The following ZFYVE9 variants were observed in gnomAD, a reference collection of about 807,000 sequenced individuals.
ZFYVE9 encodes the protein zinc finger FYVE-type containing 9.
In ZFYVE9, 43 loss-of-function variants were observed where a neutral mutation model predicts 126.7. The ratio of observed to expected loss-of-function variants is 0.34; its 90% CI spans 0.27 to 0.44. The LOEUF is 0.44. ZFYVE9 is among the 20% of genes least tolerant of loss of function. ZFYVE9 has a pLI of 1.00. For missense variants in ZFYVE9, 1,476 were observed against 1,697.0 expected (o/e 0.87, Z 2.29); for synonymous variants, 521 against 597.4 (o/e 0.87, Z 1.87).
intron 4 of ZFYVE9, among the ~76,000 whole-genome samples, chr1:52,260,592 A>G (rs1405648859): frequency 6.6e-6 from 1 of 152,006 alleles, no homozygotes; most frequent in Admixed American, 6.6e-5. Context: ...TGAGCCGGGC[A>G]GATCACCTGA....
rs966327720 is a variant in ZFYVE9, at chr1:52,222,525, G to C, written c.-37+6051G>C. On this transcript the variant is annotated intron_variant, in intron 2 of 18. Transcript: ENST00000287727. ...ATTTGATTAATAGCCTGGAGGTCTT[G>C]CACTAGCCGGGATGACCTGTCTGGC... is the stretch of plus-strand genomic sequence containing the variant. 3.9e-5 allele frequency among the ~76,000 whole-genome samples: 6 copies of C among 152,366 alleles called. No homozygotes were observed. The East Asian group carries it at 9.6e-4, about 24-fold the overall frequency.
intron 2 of ZFYVE9, among the ~76,000 whole-genome samples, chr1:52,224,986 C>T (rs1008712413): frequency 2.0e-5 from 3 of 152,080 alleles, no homozygotes; most frequent in African/African-American, 4.8e-5. Context: ...TTGGTGTAAT[C>T]CCCTGACTGG....
intron 1 of ZFYVE9, among the ~76,000 whole-genome samples, chr1:52,192,884 A>G (rs1644828521): frequency 6.6e-6 from 1 of 152,210 alleles, no homozygotes; most frequent in South Asian, 2.1e-4. Context: ...TCATTGGCAA[A>G]AATAATAGTA....
intron 1 of ZFYVE9, among the ~76,000 whole-genome samples, chr1:52,168,900 G>C (rs2124521648): frequency 6.6e-6 from 1 of 152,176 alleles, no homozygotes; most frequent in Admixed American, 6.5e-5. Context: ...GATTTTTGCT[G>C]GAAATAAGTG....
At chr1:52,305,500 A>G (rs889360433) in intron 13 of ZFYVE9, among the ~76,000 whole-genome samples, 6 of 152,218 alleles carry the variant, frequency 3.9e-5, no homozygotes. Context: ...TGATGGCATC[A>G]GTGGCCTGTC....
chr1:52,202,157 C>CT (rs1372875559), intron 1 of ZFYVE9, among the ~76,000 whole-genome samples: 1 of 152,116 alleles, frequency 6.6e-6, no homozygotes, highest in African/African-American at 2.4e-5. Context: ...TTAGGTTGGT[C>CT]TTTTTTTCCT....
At chr1:52,147,682 C>T (rs1408668202) in intron 1 of ZFYVE9, among the ~76,000 whole-genome samples, 2 of 152,114 alleles carry the variant, frequency 1.3e-5, no homozygotes, top group Non-Finnish European at 2.9e-5. Flanking sequence ...CATTCATGTG[C>T]AAATTATTGT....
intron 2 of ZFYVE9, among the ~76,000 whole-genome samples, chr1:52,220,783 G>T (rs1645117196): frequency 6.6e-6 from 1 of 152,122 alleles, no homozygotes; most frequent in Non-Finnish European, 1.5e-5. Flanking sequence ...TTTAGAGAAA[G>T]GTCTACGTGG....
rs530233937 is a variant in ZFYVE9, at chr1:52,198,014, G to A, written c.-142-18355G>A. Among the ~76,000 whole-genome samples the A allele has an allele frequency of 1.2e-4, 18 of 152,180 alleles. No homozygotes were observed. In the South Asian group the frequency reaches 3.7e-3, roughly 32 times the overall value. On this transcript the variant is annotated intron_variant, in intron 1 of 18. Transcript: ENST00000287727. ...TTATAGAAATCTGAGTCATTCGAAT[G>A]GAGGTGGTAAAGACTTTGGAAGAAA...
chr1:52,253,274 T>A (rs887110891), intron 4 of ZFYVE9, among the ~76,000 whole-genome samples: 3 of 152,228 alleles, frequency 2.0e-5, no homozygotes, highest in African/African-American at 7.2e-5. Flanking sequence ...GTGTCTTTAT[T>A]ATTTACAGCA....
intron 4 of ZFYVE9, chr1:52,253,687 C>T (rs1016419529): frequency 3.1e-5 from 49 of 1,601,690 alleles, no homozygotes; most frequent in Non-Finnish European, 3.7e-5. Context: ...TGGAACAGTA[C>T]GGGAAATTGG....
chr1:52,281,841 T>TGGAA, intron 10 of ZFYVE9, 25 bp downstream of exon 10: 2 of 1,612,604 alleles, frequency 1.2e-6, no homozygotes, highest in Non-Finnish European at 1.7e-6. Flanking sequence ...TGACTTAGTC[T>TGGAA]GCTCCCTTTG....
At chr1:52,234,187 G>A (rs1012123953) in intron 3 of ZFYVE9, among the ~76,000 whole-genome samples, 1 of 152,122 alleles carries the variant, frequency 6.6e-6, no homozygotes, top group African/African-American at 2.4e-5. Flanking sequence ...TTCTTCCCCT[G>A]TGTTCTCTAT....
chr1:52,257,059 G>A (rs1465296875), intron 4 of ZFYVE9, among the ~76,000 whole-genome samples: 5 of 152,194 alleles, frequency 3.3e-5, no homozygotes, highest in Admixed American at 6.5e-5. Context: ...AAAGGAATAA[G>A]TGTTATTCAC....
intron 1 of ZFYVE9, among the ~76,000 whole-genome samples, chr1:52,202,582 A>G (rs111699151): frequency 5.3e-5 from 8 of 151,932 alleles, no homozygotes; most frequent in African/African-American, 1.7e-4. Context: ...TGCCTGGCCC[A>G]GGTCTTATTT....
At chr1:52,228,960 G>C (rs1645193725) in intron 2 of ZFYVE9, among the ~76,000 whole-genome samples, 1 of 151,538 alleles carries the variant, frequency 6.6e-6, no homozygotes, top group South Asian at 2.1e-4. Context: ...TGCAGTCATA[G>C]CTCACTGTAA....
chr1:52,231,287 G>T (rs1645218824), intron 2 of ZFYVE9, among the ~76,000 whole-genome samples: 1 of 152,144 alleles, frequency 6.6e-6, no homozygotes, highest in African/African-American at 2.4e-5. Flanking sequence ...GAAGGCTGAG[G>T]TGGGCAGATC....
chr1:52,165,502 T>C (rs547322167), intron 1 of ZFYVE9, among the ~76,000 whole-genome samples: 1 of 152,234 alleles, frequency 6.6e-6, no homozygotes, highest in South Asian at 2.1e-4. Context: ...ACAGAATAAA[T>C]CAGTTGAGAC....
At chr1:52,334,827 A>G (rs1367817588) in intron 15 of ZFYVE9, 59 bp downstream of exon 15, 1 of 1,498,228 alleles carries the variant, frequency 6.7e-7, no homozygotes, top group African/African-American at 1.4e-5. Context: ...CATAAAGGGA[A>G]TCCTTTACAC....
Sources: gnomAD v4.1 joint callset for allele counts (sites outside exome capture counted in the v4.1 genomes callset) on GRCh38, gnomAD v4.1.1 for gene constraint, MANE v1.5 for transcripts, NCBI Gene and HGNC (gene_info 2026-07-23, HGNC 2026-07-21) for gene names.